The following CLASP1 variants were observed in gnomAD, a reference collection of about 807,000 sequenced individuals.
CLASP1 encodes CLIP-associating protein 1.
CLASP1 carries 38 observed loss-of-function variants against 192.3 expected under a neutral mutation model. The ratio of observed to expected loss-of-function variants is 0.20; its 90% CI spans 0.15 to 0.26. The LOEUF (loss-of-function observed/expected upper bound fraction) is 0.26, where lower values mean the gene tolerates loss of function less well. CLASP1 is among the 10% of genes least tolerant of loss of function. CLASP1 has a pLI of 1.00. For missense variants in CLASP1, 1,433 were observed against 1,932.5 expected (o/e 0.74, Z 4.85); for synonymous variants, 691 against 712.8 (o/e 0.97, Z 0.49).
chr2:121,543,701 T>C (rs2095276667), intron 2 of CLASP1, among the ~76,000 whole-genome samples: 1 of 152,154 alleles, frequency 6.6e-6, no homozygotes, highest in East Asian at 1.9e-4. Context: ...TCCAGCCTCC[T>C]AATTTCTCTA....
chr2:121,525,001 A>C (rs2094542311), intron 6 of CLASP1, among the ~76,000 whole-genome samples: 1 of 152,150 alleles, frequency 6.6e-6, no homozygotes, highest in African/African-American at 2.4e-5. Flanking sequence ...GTCGGGTAGA[A>C]GGCCAGCCTG....
chr2:121,526,563 C>CA (rs1042954592), intron 5 of CLASP1, among the ~76,000 whole-genome samples: 2 of 149,534 alleles, frequency 1.3e-5, no homozygotes, highest in Non-Finnish European at 3.0e-5. Flanking sequence ...TAGAAGTTTT[C>CA]TTTTTTTTTT....
At chr2:121,429,620 T>C (rs1233289469) in intron 20 of CLASP1, among the ~76,000 whole-genome samples, 2 of 151,982 alleles carry the variant, frequency 1.3e-5, no homozygotes, top group Non-Finnish European at 2.9e-5. Flanking sequence ...GGAAGAGAGG[T>C]GCGGGCTGCA....
At chr2:121,350,265 C>T (rs1055218321) in intron 37 of CLASP1, among the ~76,000 whole-genome samples, 32 of 152,340 alleles carry the variant, frequency 2.1e-4, no homozygotes, top group Middle Eastern at 3.4e-3. Context: ...CATCCCAGCC[C>T]TTGTGAGTGA....
chr2:121,605,990 T>C (rs1472911606), exon 2 of CLASP1: 4 of 1,054,652 alleles, frequency 3.8e-6, no homozygotes, highest in Non-Finnish European at 5.5e-6. Flanking sequence ...CTTTGTTCGC[T>C]GAAGGTTACT....
chr2:121,528,639 C>T (rs749031529), intron 4 of CLASP1, 38 bp downstream of exon 4: 15 of 1,561,888 alleles, frequency 9.6e-6, no homozygotes, highest in African/African-American at 1.4e-5. Flanking sequence ...TGCACGCGCA[C>T]TGGCCAGCTG....
chr2:121,621,778 T>C (rs1314847792), intron 1 of CLASP1, among the ~76,000 whole-genome samples: 2 of 152,232 alleles, frequency 1.3e-5, no homozygotes, highest in Non-Finnish European at 2.9e-5. Flanking sequence ...TCTGGGTCCC[T>C]TGCATTTCTA....
chr2:121,558,486 C>T (rs911979684), intron 2 of CLASP1, among the ~76,000 whole-genome samples: 5 of 152,118 alleles, frequency 3.3e-5, no homozygotes, highest in African/African-American at 1.2e-4. Flanking sequence ...TCTGTCTTCA[C>T]GAATGGATGA....
At chr2:121,632,536 A>T (rs948036175) in intron 1 of CLASP1, among the ~76,000 whole-genome samples, 12 of 148,182 alleles carry the variant, frequency 8.1e-5, no homozygotes, top group African/African-American at 3.0e-4. Context: ...AACTCATTTA[A>T]AAAAAAAAAG....
At chr2:121,379,036 G>T (rs17006404) in intron 33 of CLASP1, among the ~76,000 whole-genome samples, 2,591 of 151,886 alleles carry the variant, frequency 0.017, 80 homozygotes, top group African/African-American at 0.059. Context: ...ACTTGGAGTG[G>T]CCAGATCTCT....
At chr2:121,606,121 G>A (rs142554127) in exon 2 of CLASP1, 4 of 548,920 alleles carry the variant, frequency 7.3e-6, no homozygotes, top group Non-Finnish European at 1.3e-5. Context: ...ATAAAGGAGT[G>A]AGTGGCAGAG....
chr2:121,391,693 A>T (rs955548116), intron 30 of CLASP1, among the ~76,000 whole-genome samples: 1 of 152,218 alleles, frequency 6.6e-6, no homozygotes, highest in Non-Finnish European at 1.5e-5. Context: ...AACTGAGGTC[A>T]GGAGTTTGAG....
intron 2 of CLASP1, among the ~76,000 whole-genome samples, chr2:121,535,729 A>G (rs1575772290): frequency 6.6e-6 from 1 of 151,560 alleles, no homozygotes; most frequent in Admixed American, 6.6e-5. Flanking sequence ...GCTCACTGCA[A>G]CCTCCATCTC....
At chr2:121,533,822 A>C (rs1274458705) in intron 2 of CLASP1, among the ~76,000 whole-genome samples, 1 of 152,214 alleles carries the variant, frequency 6.6e-6, no homozygotes, top group Non-Finnish European at 1.5e-5. Flanking sequence ...TTCCCATAAT[A>C]AGTAGCACAA....
chr2:121,480,827 C>T (rs774849401), intron 8 of CLASP1, among the ~76,000 whole-genome samples: 3 of 152,220 alleles, frequency 2.0e-5, no homozygotes, highest in Non-Finnish European at 4.4e-5. Flanking sequence ...ATTCTAGAAC[C>T]TCTCTTCTTG....
Position 121,375,361 on chromosome 2 carries a change from ATT to A in CLASP1, c.3642+2136_3642+2137del, listed in dbSNP as rs34714381. Among the ~76,000 whole-genome samples, 551 of 116,900 alleles carry A rather than the reference ATT, an allele frequency of 4.7e-3. 1 individual carries two copies. Among genetic ancestry groups the A allele is most frequent in the African/African-American group, 0.017 (500 of 30,132 alleles). The allele number at this position is 116,900 out of a possible 152,430, so 76.7% of individuals were successfully genotyped here. On this transcript the variant is annotated intron_variant, in intron 34 of 39. Transcript: ENST00000263710. ...TTTCTTATAAATTACCTAGTTTCTGATTTTTTTTTTTTTTTTTTTTTGAGACA... is the reference window on the plus strand; with the variant it reads ...TTTCTTATAAATTACCTAGTTTCTGATTTTTTTTTTTTTTTTTTTGAGACA...
At chr2:121,603,402 A>G (rs551693243) in intron 2 of CLASP1, among the ~76,000 whole-genome samples, 28 of 152,342 alleles carry the variant, frequency 1.8e-4, no homozygotes, top group East Asian at 7.7e-4. Flanking sequence ...TAGGATGGCT[A>G]TTATCAAAAA....
At chr2:121,369,795 G>A (rs1363317973) in intron 34 of CLASP1, among the ~76,000 whole-genome samples, 2 of 152,122 alleles carry the variant, frequency 1.3e-5, no homozygotes, top group Non-Finnish European at 2.9e-5. Flanking sequence ...TTTTGCTACT[G>A]TAGATAATGC....
chr2:121,429,939 A>T, intron 20 of CLASP1, 134 bp downstream of exon 20: 2 of 638,564 alleles, frequency 3.1e-6, no homozygotes, highest in Non-Finnish European at 5.4e-6. Flanking sequence ...CAGTAAGATT[A>T]CTCACAGTAT....
Sources: gnomAD v4.1 joint callset for allele counts (sites outside exome capture counted in the v4.1 genomes callset) on GRCh38, gnomAD v4.1.1 for gene constraint, MANE v1.5 for transcripts, NCBI Gene and HGNC (gene_info 2026-07-23, HGNC 2026-07-21) for gene names.